KCNN2: variants seen among roughly 807,000 people sequenced by gnomAD.
KCNN2 encodes small conductance calcium-activated potassium channel protein 2.
KCNN2 carries 24 observed loss-of-function variants against 55.5 expected under a neutral mutation model. That is an observed-to-expected ratio of 0.43 (90% CI 0.31 to 0.61). The LOEUF is 0.61. KCNN2 is among the 20% of genes least tolerant of loss of function. The probability of loss-of-function intolerance (pLI) is 0.08; values close to 1 mark genes in which losing one functional copy is unlikely to be tolerated. For missense variants in KCNN2, 754 were observed against 853.6 expected (o/e 0.88, Z 1.45); for synonymous variants, 431 against 336.1 (o/e 1.28, Z -3.09).
intron 2 of KCNN2, among the ~76,000 whole-genome samples, chr5:114,351,168 T>C (rs1484864803): frequency 2.0e-5 from 3 of 151,870 alleles, no homozygotes; most frequent in Non-Finnish European, 4.4e-5. Flanking sequence ...TTTTGTACTT[T>C]TGTTGTTACA....
chr5:114,237,065 T>C (rs913431236), intron 2 of KCNN2, among the ~76,000 whole-genome samples: 5 of 152,126 alleles, frequency 3.3e-5, no homozygotes, highest in Non-Finnish European at 7.4e-5. Flanking sequence ...AGTCTTGCTA[T>C]ACATGTGCAA....
chr5:114,455,296 A>G (rs563850085), intron 3 of KCNN2, among the ~76,000 whole-genome samples: 15 of 152,266 alleles, frequency 9.9e-5, no homozygotes, highest in South Asian at 8.3e-4. Context: ...AGCTTCTCAA[A>G]CTTTTTCATT....
chr5:114,331,252 C>A (rs1561573970), intron 2 of KCNN2, among the ~76,000 whole-genome samples: 1 of 151,972 alleles, frequency 6.6e-6, no homozygotes, highest in African/African-American at 2.4e-5. Context: ...AAATAATAAC[C>A]AATAGAGCTC....
At chr5:114,172,746 A>T (rs1753064151) in intron 1 of KCNN2, among the ~76,000 whole-genome samples, 1 of 151,484 alleles carries the variant, frequency 6.6e-6, no homozygotes, top group South Asian at 2.1e-4. Context: ...CTTTTGAGAA[A>T]TGTCTATTCA....
chr5:114,289,792 T>G (rs1044359921), intron 2 of KCNN2, among the ~76,000 whole-genome samples: 1 of 152,208 alleles, frequency 6.6e-6, no homozygotes, highest in Non-Finnish European at 1.5e-5. Context: ...TAGTAAATCA[T>G]TAACATGGGA....
intron 2 of KCNN2, among the ~76,000 whole-genome samples, chr5:114,252,039 C>T (rs562837904): frequency 2.8e-4 from 43 of 151,544 alleles, no homozygotes; most frequent in African/African-American, 8.5e-4. Context: ...CCACCAAGCC[C>T]GGCTAATTTT....
intron 4 of KCNN2, among the ~76,000 whole-genome samples, chr5:114,463,887 G>A (rs1761320947): frequency 6.6e-6 from 1 of 152,200 alleles, no homozygotes; most frequent in Non-Finnish European, 1.5e-5. Flanking sequence ...AGGAAGGGAA[G>A]TAGGGAGAGC....
chr5:114,260,976 A>G (rs1052232811), intron 2 of KCNN2, among the ~76,000 whole-genome samples: 2 of 151,320 alleles, frequency 1.3e-5, no homozygotes, highest in African/African-American at 4.8e-5. Flanking sequence ...ATGTGGCATA[A>G]GTCTACAACC....
chr5:114,163,800 AG>A (rs764736822), intron 1 of KCNN2, among the ~76,000 whole-genome samples: 7 of 152,234 alleles, frequency 4.6e-5, no homozygotes, highest in Non-Finnish European at 1.0e-4. Flanking sequence ...AGGCATATGA[AG>A]TGCTTTACAA....
At chr5:114,242,745 A>G (rs1225940442) in intron 2 of KCNN2, among the ~76,000 whole-genome samples, 3 of 152,244 alleles carry the variant, frequency 2.0e-5, no homozygotes, top group African/African-American at 7.2e-5. Context: ...AAAGTATATT[A>G]CTATTGGATT....
At chr5:114,276,317 T>G (rs1174175005) in intron 2 of KCNN2, among the ~76,000 whole-genome samples, 1 of 152,130 alleles carries the variant, frequency 6.6e-6, no homozygotes, top group African/African-American at 2.4e-5. Context: ...TGATTTGGGG[T>G]GGAGAGTTCT....
chr5:114,231,635 C>G (rs934079626), intron 2 of KCNN2, among the ~76,000 whole-genome samples: 1 of 151,132 alleles, frequency 6.6e-6, no homozygotes, highest in South Asian at 2.1e-4. Context: ...ATTTACTTAT[C>G]TTTTACTTCT....
chr5:114,346,222 A>G (rs1757101653), intron 2 of KCNN2, among the ~76,000 whole-genome samples: 1 of 152,186 alleles, frequency 6.6e-6, no homozygotes, highest in South Asian at 2.1e-4. Flanking sequence ...TGAAGACAGA[A>G]TCAAGCCATG....
intron 1 of KCNN2, among the ~76,000 whole-genome samples, chr5:114,162,506 A>G (rs1212818968): frequency 6.6e-6 from 1 of 152,164 alleles, no homozygotes; most frequent in East Asian, 1.9e-4. Flanking sequence ...GTGTGCTGGG[A>G]GAACCACTAC....
chr5:114,390,218 A>T (rs952330824), intron 2 of KCNN2, among the ~76,000 whole-genome samples: 13 of 152,178 alleles, frequency 8.5e-5, no homozygotes, highest in African/African-American at 2.9e-4. Context: ...ACGTTGGCTT[A>T]TATTTAATTA....
At chr5:114,259,006 T>A (rs775702357) in intron 2 of KCNN2, among the ~76,000 whole-genome samples, 36 of 152,264 alleles carry the variant, frequency 2.4e-4, no homozygotes, top group African/African-American at 7.0e-4. Context: ...CTGTGCCAAT[T>A]TCCTGTGGTA....
chr5:114,227,374 C>A (rs972285562), intron 2 of KCNN2, among the ~76,000 whole-genome samples: 1 of 152,158 alleles, frequency 6.6e-6, no homozygotes, highest in African/African-American at 2.4e-5. Context: ...CATAAAGCAT[C>A]CCTAGATCCG....
At chr5:114,213,451 C>T (rs997825122) in intron 1 of KCNN2, among the ~76,000 whole-genome samples, 3 of 150,730 alleles carry the variant, frequency 2.0e-5, no homozygotes, top group Non-Finnish European at 3.0e-5. Context: ...TTCAGTACAT[C>T]CTCCAATAAA....
intron 1 of KCNN2, among the ~76,000 whole-genome samples, chr5:114,111,151 AAC>A (rs1205109631): frequency 6.6e-6 from 1 of 152,186 alleles, no homozygotes; most frequent in Non-Finnish European, 1.5e-5. Flanking sequence ...AATGGAACAG[AAC>A]AGAGGCCTCA....
Sources: allele counts gnomAD v4.1 joint callset (sites outside exome capture counted in the v4.1 genomes callset), GRCh38; gene constraint gnomAD v4.1.1; transcripts MANE v1.5; gene names NCBI Gene and HGNC (gene_info 2026-07-23, HGNC 2026-07-21).